GDAP1: variants seen among roughly 807,000 people sequenced by gnomAD.
GDAP1 encodes the protein ganglioside-induced differentiation-associated protein 1.
GDAP1 carries 34 observed loss-of-function variants against 40.1 expected under a neutral mutation model. The observed-to-expected ratio is 0.85, with a 90% CI of 0.64 to 1.13. GDAP1 has a LOEUF of 1.13. GDAP1 is among the 50% of genes most tolerant of loss of function. The probability of loss-of-function intolerance (pLI) is 0.00; values close to 1 mark genes in which losing one functional copy is unlikely to be tolerated. For synonymous variants in GDAP1, 170 were observed against 157.4 expected (o/e 1.08, Z -0.60); for missense variants, 374 against 433.7 (o/e 0.86, Z 1.22).
chr8:74,399,282 G>C lies in GDAP1; in HGVS notation c.165+47961G>C, dbSNP rs937624258. On this transcript the variant is annotated intron_variant, in intron 2 of 2. Transcript: ENST00000523640. ...TTCTTCCTGGTTTAGTCTTGGGAGG[G>C]CGTATGTGTCAAGGGATTTATCCAT... Among the ~76,000 whole-genome samples the C allele has an allele frequency of 1.3e-5, 2 of 149,952 alleles. 1 individual carries two copies. The highest frequency in any genetic ancestry group is 5.1e-5 in the African/African-American group (2 of 39,262).
At chr8:74,422,315 TTCTTTCTTTCTTTC>T (rs1805875046) in intron 2 of GDAP1, among the ~76,000 whole-genome samples, 1 of 52,694 alleles carries the variant, frequency 1.9e-5, no homozygotes, top group Admixed American at 2.3e-4. Context: ...CTTTCTTTCT[TTCTTTCTTTCTTTC>T]TTTCTTTCTT....
At chr8:74,387,886 G>A (rs1405707772) in intron 2 of GDAP1, among the ~76,000 whole-genome samples, 1 of 152,092 alleles carries the variant, frequency 6.6e-6, no homozygotes, top group Non-Finnish European at 1.5e-5. Flanking sequence ...TCAGGGATTT[G>A]ACTTCTTCCT....
chr8:74,402,025 A>G (rs1586823098), intron 2 of GDAP1, among the ~76,000 whole-genome samples: 1 of 150,390 alleles, frequency 6.6e-6, no homozygotes, highest in Middle Eastern at 3.4e-3. Context: ...TTGAGGAGGC[A>G]GTCTGCCCGT....
intron 2 of GDAP1, among the ~76,000 whole-genome samples, chr8:74,405,401 A>C (rs1338897011): frequency 2.0e-5 from 3 of 150,232 alleles, no homozygotes; most frequent in Non-Finnish European, 2.9e-5. Context: ...TAATGACAAG[A>C]AAAAAGTCTT....
chr8:74,400,295 C>T (rs531616863), intron 2 of GDAP1, among the ~76,000 whole-genome samples: 3 of 149,968 alleles, frequency 2.0e-5, no homozygotes, highest in East Asian at 1.9e-4. Context: ...ATCCCTTTAC[C>T]GTTATGTAAT....
chr8:74,378,255 G>A (rs893135644), intron 2 of GDAP1, among the ~76,000 whole-genome samples: 3 of 152,318 alleles, frequency 2.0e-5, no homozygotes, highest in Non-Finnish European at 1.5e-5. Flanking sequence ...TCTCCTAGGA[G>A]CACATTTTAG....
chr8:74,402,501 G>A lies in GDAP1; in HGVS notation c.165+51180G>A, dbSNP rs557057208. On this transcript the variant is annotated intron_variant, in intron 2 of 2. Coordinates refer to the GDAP1 transcript ENST00000523640. ...GAAAGGGAACTCCCTGACCCCTTGC[G>A]CTTCCTGAGTGAGGCAATGCCTCGC... Among the ~76,000 whole-genome samples the A allele has an allele frequency of 2.3e-4, 34 of 150,310 alleles. 6 individuals carry two copies. Among genetic ancestry groups the A allele is most frequent in the African/African-American group, 6.6e-4 (26 of 39,646 alleles).
downstream of GDAP1, among the ~76,000 whole-genome samples, chr8:74,370,257 A>C (rs1809725302): frequency 6.6e-6 from 1 of 152,260 alleles, no homozygotes; most frequent in Non-Finnish European, 1.5e-5. Context: ...TGTAAAATGT[A>C]AATTTCTGGG....
At chr8:74,408,628 G>C (rs983290822) in intron 2 of GDAP1, among the ~76,000 whole-genome samples, 1 of 150,000 alleles carries the variant, frequency 6.7e-6, no homozygotes, top group Non-Finnish European at 1.5e-5. Flanking sequence ...CCAGAACTAT[G>C]AGAAATAAAT....
chr8:74,377,256 A>G (rs142718546), intron 2 of GDAP1, among the ~76,000 whole-genome samples: 20 of 152,240 alleles, frequency 1.3e-4, no homozygotes, highest in Admixed American at 1.3e-3. Context: ...ATGAAAAGCC[A>G]AACCACAGAA....
chr8:74,487,997 C>T (rs1282467170), intron 2 of GDAP1, among the ~76,000 whole-genome samples: 1 of 152,172 alleles, frequency 6.6e-6, no homozygotes, highest in Non-Finnish European at 1.5e-5. Flanking sequence ...ATATGCCATT[C>T]CACACTCATG....
At chr8:74,392,925 T>C (rs1810134759) in intron 2 of GDAP1, among the ~76,000 whole-genome samples, 1 of 152,132 alleles carries the variant, frequency 6.6e-6, no homozygotes, top group East Asian at 1.9e-4. Context: ...ATCTACAGGG[T>C]CAAGACATGG....
chr8:74,466,702 C>T (rs1431142332), intron 2 of GDAP1, among the ~76,000 whole-genome samples: 5 of 152,076 alleles, frequency 3.3e-5, no homozygotes, highest in East Asian at 1.9e-4. Context: ...AATTTGAAGG[C>T]GCTGATTAGA....
At chr8:74,409,293 C>T (rs1243460596) in intron 2 of GDAP1, among the ~76,000 whole-genome samples, 1 of 149,898 alleles carries the variant, frequency 6.7e-6, no homozygotes, top group Middle Eastern at 3.2e-3. Context: ...TTTGAATAAA[C>T]ATAGAAATCA....
At chr8:74,477,926 G>T (rs1394829215) in intron 2 of GDAP1, among the ~76,000 whole-genome samples, 2 of 152,176 alleles carry the variant, frequency 1.3e-5, no homozygotes, top group Non-Finnish European at 2.9e-5. Flanking sequence ...CCAGCTACTG[G>T]GTGTCCGTTC....
rs1047151629 is a variant in GDAP1, at chr8:74,397,731, C to T, written c.165+46410C>T. Among the ~76,000 whole-genome samples, 43 of 152,118 alleles carry T rather than the reference C, an allele frequency of 2.8e-4. 1 individual carries two copies. Among genetic ancestry groups the T allele is most frequent in the Admixed American group, 2.6e-3 (39 of 15,270 alleles). On this transcript the variant is annotated intron_variant, in intron 2 of 2. Coordinates refer to the GDAP1 transcript ENST00000523640. ...TTGATCTATATCTCTGTTTTGGTACCAGTACCATGCTGTTTTGGTTACTGT... is the reference window on the plus strand; with the variant it reads ...TTGATCTATATCTCTGTTTTGGTACTAGTACCATGCTGTTTTGGTTACTGT...
intron 2 of GDAP1, among the ~76,000 whole-genome samples, chr8:74,380,470 C>A (rs920162075): frequency 5.3e-5 from 8 of 150,098 alleles, no homozygotes; most frequent in African/African-American, 1.7e-4. Context: ...TTTATGCTTG[C>A]ACATTTAAAG....
chr8:74,390,708 G>A lies in GDAP1; in HGVS notation c.165+39387G>A, dbSNP rs115200947. Reference sequence around the variant, plus strand: ...GTCTGTCTCTTAGTAGAGCTTGAGCGCTGTCCTAGGAGATCCGCTGCTCTC... The same window carrying A: ...GTCTGTCTCTTAGTAGAGCTTGAGCACTGTCCTAGGAGATCCGCTGCTCTC... On this transcript the variant is annotated intron_variant, in intron 2 of 2. Transcript: ENST00000523640. Among the ~76,000 whole-genome samples, 864 of 152,316 alleles carry A rather than the reference G, an allele frequency of 5.7e-3. 9 individuals are homozygous for A. Among genetic ancestry groups the A allele is most frequent in the African/African-American group, 0.019 (792 of 41,558 alleles).
Position 74,351,396 on chromosome 8 carries a change from T to G in GDAP1, c.240T>G (p.Leu80=). The change falls in exon 2 of 6, where the codon CTT becomes CTG. Residue 80 remains leucine, a synonymous_variant. Transcript: ENST00000220822. ...RLNSTGEVPV[L]IHGENIICEA... ...ACTCAACTGGAGAAGTGCCTGTCCT[T>G]ATCCACGGGGAAAACATAATTTGTG... is the stretch of plus-strand genomic sequence containing the variant. 1.2e-6 allele frequency: 2 copies of G among 1,614,024 alleles called. No homozygotes were observed. The highest frequency in any genetic ancestry group is 1.7e-6 in the Non-Finnish European group (2 of 1,179,852).
Sources: allele counts gnomAD v4.1 joint callset (sites outside exome capture counted in the v4.1 genomes callset), GRCh38; gene constraint gnomAD v4.1.1; transcripts MANE v1.5; gene names NCBI Gene and HGNC (gene_info 2026-07-23, HGNC 2026-07-21).